Variants in C1orf116 observed in about 807,000 individuals in gnomAD.
C1orf116 encodes the protein chromosome 1 open reading frame 116.
Under a neutral mutation model 14.1 loss-of-function variants are expected in C1orf116, and 12 were observed. The ratio of observed to expected loss-of-function variants is 0.85; its 90% CI spans 0.54 to 1.38. The LOEUF (loss-of-function observed/expected upper bound fraction) is 1.38. C1orf116 is among the 40% of genes most tolerant of loss of function. The probability of loss-of-function intolerance (pLI) is 0.00; values close to 1 mark genes in which losing one functional copy is unlikely to be tolerated. For missense variants in C1orf116, 797 were observed against 747.0 expected (o/e 1.07, Z -0.78); for synonymous variants, 296 against 299.0 (o/e 0.99, Z 0.10).
In C1orf116 at chr1:207,023,024, A is replaced by G. The variant is rs758895701; in HGVS notation, c.740T>C (p.Met247Thr). Residue 247 changes from methionine (M) to threonine (T), a missense_variant, in exon 4 of 4, where the codon ATG becomes ACG. Transcript: ENST00000359470. ...QEREQTPSEAMSQKAKETVST... is the reference protein window; with the variant it reads ...QEREQTPSEATSQKAKETVST... ...GACTGTTTCCTTGGCTTTTTGGGACATGGCTTCTGAAGGAGTCTGCTCTCT... is the reference window on the plus strand; with the variant it reads ...GACTGTTTCCTTGGCTTTTTGGGACGTGGCTTCTGAAGGAGTCTGCTCTCT... 1.9e-6 allele frequency: 3 copies of G among 1,613,726 alleles called. No homozygotes were observed. The highest frequency in any genetic ancestry group is 1.7e-5 in the Admixed American group (1 of 60,030).
chr1:207,032,571 T>G lies in C1orf116; in HGVS notation c.-82+8A>C. On this transcript the variant is annotated splice_region_variant and intron_variant, in intron 1 of 3. Coordinates refer to ENST00000359470, the MANE Select transcript of C1orf116 (RefSeq NM_023938.6). The stretch of plus-strand genomic sequence containing the variant: ...GGATAAGCAATAGTTGGTTAGTGAT[T>G]AACTCACCTCCACTGGGTTGGGGGC... 10 of 985,380 alleles carry G rather than the reference T, an allele frequency of 1.0e-5. No homozygotes were observed. The highest frequency in any genetic ancestry group is 1.2e-5 in the Non-Finnish European group (10 of 829,926). 61.0% of individuals were successfully genotyped at this position (985,380 alleles called of 1,614,324 possible).
At position 207,032,745 on chromosome 1, in the gene C1orf116, C is replaced by G. The variant is rs1454650926; in HGVS notation, c.-248G>C. The G allele has an allele frequency of 1.9e-5, 19 of 985,308 alleles. No homozygotes were observed. Among genetic ancestry groups the G allele is most frequent in the Non-Finnish European group, 2.3e-5 (19 of 830,014 alleles). 61.0% of individuals were successfully genotyped at this position (985,308 alleles called of 1,614,324 possible). On this transcript the variant is annotated 5_prime_UTR_variant, in exon 1 of 4. Transcript: ENST00000359470. ...TGCTTCATCTGTGCTGCCTGGCCCC[C>G]ACCCTGCCACTGACTCAGCCAATCC...
At position 207,023,209 on chromosome 1, in the gene C1orf116, G is replaced by A; in HGVS notation, c.555C>T (p.Ser185=). The A allele has an allele frequency of 6.2e-7, 1 of 1,609,468 alleles. No individual in the cohort carries two copies. Among genetic ancestry groups the A allele is most frequent in the East Asian group, 2.2e-5 (1 of 44,860 alleles). The change falls in exon 4 of 4, where the codon AGC becomes AGT. Residue 185 remains serine (S), a synonymous_variant. Coordinates refer to ENST00000359470, the MANE Select transcript of C1orf116 (RefSeq NM_023938.6). ...QSSQPRQAPA[S]PQEAALDLDV... ...CCAAGTCAAGGGCAGCCTCCTGGGG[G>A]CTGGCAGGTGCCTGCCTGGGTTGGC...
Position 207,021,735 on chromosome 1 carries a change from A to G in C1orf116, c.*223T>C. 1 of 424,736 alleles carries G rather than the reference A, an allele frequency of 2.4e-6. No homozygotes were observed. The highest frequency in any genetic ancestry group is 2.0e-5 in the African/African-American group (1 of 49,678). The allele number at this position is 424,736 out of a possible 1,614,324, so 26.3% of individuals were successfully genotyped here. ...ATGTATCCAGCGGCCCCCCCTCCAC[A>G]CACACACCAAACACACACACACACA... On this transcript the variant is annotated 3_prime_UTR_variant, in exon 4 of 4. Transcript: ENST00000359470.
intron 3 of C1orf116, among the ~76,000 whole-genome samples, chr1:207,024,129 T>C (rs1681980720): frequency 6.6e-6 from 1 of 152,238 alleles, no homozygotes; most frequent in African/African-American, 2.4e-5. Flanking sequence ...AAGTGACTCC[T>C]TTCCTTCCAG....
chr1:207,023,210 CTGGCAGGTGCCTGCCTGGGT>C lies in C1orf116; in HGVS notation c.534_553del (p.Arg180ProfsTer6). On this transcript the variant is annotated frameshift_variant, in exon 4 of 4. Transcript: ENST00000359470. LOFTEE classifies it low-confidence loss of function (END_TRUNC). ...CAAGTCAAGGGCAGCCTCCTGGGGG[CTGGCAGGTGCCTGCCTGGGT>C]TGGCTGCTCTGGCTGACCTGTTCTT... 6.2e-7 allele frequency: 1 copy of C among 1,609,252 alleles called. No homozygotes were observed. Among genetic ancestry groups the C allele is most frequent in the Non-Finnish European group, 8.5e-7 (1 of 1,177,530 alleles).
At chr1:207,029,585 C>T (rs1456706817) in intron 1 of C1orf116, among the ~76,000 whole-genome samples, 1 of 152,202 alleles carries the variant, frequency 6.6e-6, no homozygotes, top group East Asian at 1.9e-4. Context: ...AATGAATGAA[C>T]TTGCCATCTG....
intron 1 of C1orf116, among the ~76,000 whole-genome samples, chr1:207,028,969 C>G (rs1015018106): frequency 2.0e-5 from 3 of 152,192 alleles, no homozygotes; most frequent in African/African-American, 7.2e-5. Flanking sequence ...GGTAAAATGT[C>G]CTAGAAGAAA....
At chr1:207,028,062 T>A (rs1164324274) in intron 1 of C1orf116, among the ~76,000 whole-genome samples, 2 of 152,240 alleles carry the variant, frequency 1.3e-5, no homozygotes, top group Non-Finnish European at 1.5e-5. Context: ...TACAGTTATG[T>A]GACTTGGGGC....
At chr1:207,030,082 T>C (rs972527355) in intron 1 of C1orf116, among the ~76,000 whole-genome samples, 2 of 152,168 alleles carry the variant, frequency 1.3e-5, no homozygotes, top group African/African-American at 2.4e-5. Flanking sequence ...CTGGAAGAGA[T>C]AAAAGTGGTA....
rs1330000399 is a variant in C1orf116 at position 207,021,330 on chromosome 1, G to C, written c.*628C>G. The stretch of plus-strand genomic sequence containing the variant: ...TCTGCTATCAATCAACCGAGAGATT[G>C]GGTTACAGGGACGTATCCTGTCTTT... On this transcript the variant is annotated 3_prime_UTR_variant, in exon 4 of 4. Transcript: ENST00000359470. 6.6e-6 allele frequency: 1 copy of C among 152,620 alleles called. No homozygotes were observed. The highest frequency in any genetic ancestry group is 1.5e-5 in the Non-Finnish European group (1 of 68,026). The allele number at this position is 152,620 out of a possible 1,614,324, so 9.5% of individuals were successfully genotyped here.
At chr1:207,027,727 G>C in intron 1 of C1orf116, 48 bp from the exon 2 acceptor site, 1 of 1,473,300 alleles carries the variant, frequency 6.8e-7, no homozygotes, top group Non-Finnish European at 9.0e-7. Flanking sequence ...GCTTCGGCAA[G>C]GCTCTGCCCA....
At position 207,023,176 on chromosome 1, in the gene C1orf116, C is replaced by T. The variant is rs1308062998; in HGVS notation, c.588G>A (p.Val196=). The T allele has an allele frequency of 3.1e-6, 5 of 1,609,322 alleles. No individual in the cohort carries two copies. Among genetic ancestry groups the T allele is most frequent in the Admixed American group, 1.7e-5 (1 of 59,644 alleles). The change falls in exon 4 of 4, where the codon GTG becomes GTA. Residue 196 remains valine (V), a synonymous_variant. Coordinates refer to ENST00000359470, the MANE Select transcript of C1orf116 (RefSeq NM_023938.6). The stretch of plus-strand genomic sequence containing the variant: ...GGAAAGCTTCTGGCGGAGGGATGAG[C>T]ACCACGTCCAAGTCAAGGGCAGCCT... ...PQEAALDLDV[V]LIPPPEAFRD... is the part of the protein sequence containing the mutation.
Position 207,022,935 on chromosome 1 carries a change from C to T in C1orf116, c.829G>A (p.Asp277Asn). ...TCCTCCCCTGATGAGAGGGGAGCAT[C>T]TTCAGCTCTTGCATTCTGAGGCAAC... ...AGLPQNARAEDAPLSSGEDPN... is the reference protein window; with the variant it reads ...AGLPQNARAENAPLSSGEDPN... The change falls in exon 4 of 4, where the codon GAT becomes AAT. Residue 277 changes from aspartate to asparagine, a missense_variant. Physicochemically the swap from Asp to Asn is conservative, Grantham distance 23. Coordinates refer to ENST00000359470, the MANE Select transcript of C1orf116 (RefSeq NM_023938.6). 2.5e-6 allele frequency: 4 copies of T among 1,614,192 alleles called. No individual in the cohort carries two copies. The highest frequency in any genetic ancestry group is 1.6e-4 in the Middle Eastern group (1 of 6,062).
chr1:207,027,658 T>C lies in C1orf116; in HGVS notation c.-60A>G. 3.8e-6 allele frequency: 6 copies of C among 1,594,754 alleles called. No individual in the cohort carries two copies. Among genetic ancestry groups the C allele is most frequent in the Non-Finnish European group, 5.1e-6 (6 of 1,174,498 alleles). Reference sequence around the variant, plus strand: ...CTTCTAGAGGGGAAGCGAGGGGAAGTGAACAATGTCCCAAGCCGGGCCTGA... The same window carrying C: ...CTTCTAGAGGGGAAGCGAGGGGAAGCGAACAATGTCCCAAGCCGGGCCTGA... On this transcript the variant is annotated 5_prime_UTR_variant, in exon 2 of 4. Coordinates refer to ENST00000359470, the MANE Select transcript of C1orf116 (RefSeq NM_023938.6).
At position 207,022,677 on chromosome 1, in the gene C1orf116, G is replaced by A; in HGVS notation, c.1087C>T (p.Pro363Ser). The change falls in exon 4 of 4, where the codon CCT becomes TCT. Residue 363 changes from proline (P) to serine (S), a missense_variant. Physicochemically the swap from Pro to Ser is moderately conservative, Grantham distance 74 (BLOSUM62 -1). Coordinates refer to ENST00000359470, the MANE Select transcript of C1orf116 (RefSeq NM_023938.6). ...KLGLPQDQDE[P>S]GLHLSKPTSS... is the part of the protein sequence containing the mutation. ...GTGGGCTTACTTAAGTGGAGTCCAGGCTCATCTTGATCCTGGGGTAGCCCC... is the reference window on the plus strand; with the variant it reads ...GTGGGCTTACTTAAGTGGAGTCCAGACTCATCTTGATCCTGGGGTAGCCCC... The A allele has an allele frequency of 6.2e-7, 1 of 1,613,984 alleles. No individual in the cohort carries two copies. Among genetic ancestry groups the A allele is most frequent in the Non-Finnish European group, 8.5e-7 (1 of 1,180,016 alleles).
intron 1 of C1orf116, among the ~76,000 whole-genome samples, chr1:207,031,782 A>G (rs1370912480): frequency 6.6e-6 from 1 of 152,188 alleles, no homozygotes; most frequent in Non-Finnish European, 1.5e-5. Flanking sequence ...CCTTGGCTTG[A>G]GCCCCACTTG....
chr1:207,022,539 C>A lies in C1orf116; in HGVS notation c.1225G>T (p.Ala409Ser), dbSNP rs368591569. ...ASAAIPAAGK[A>S]LAQAPAPAPG... ...GCTGGAGCCGGAGCTTGAGCCAGAG[C>A]CTTCCCAGCAGCAGGAATAGCTGCT... Residue 409 changes from alanine (A) to serine (S), a missense_variant, in exon 4 of 4, where the codon GCT becomes TCT. Ala to Ser is a moderately conservative substitution (Grantham distance 99). Coordinates refer to ENST00000359470, the MANE Select transcript of C1orf116 (RefSeq NM_023938.6). The A allele has an allele frequency of 3.7e-6, 6 of 1,613,932 alleles. No individual in the cohort carries two copies. The East Asian group carries it at 6.7e-5, about 18-fold the overall frequency.
At chr1:207,028,417 A>G (rs947973678) in intron 1 of C1orf116, among the ~76,000 whole-genome samples, 2 of 152,202 alleles carry the variant, frequency 1.3e-5, no homozygotes, top group South Asian at 2.1e-4. Flanking sequence ...CACAGTCAAT[A>G]TCATCAACAT....
Sources: allele counts gnomAD v4.1 joint callset (sites outside exome capture counted in the v4.1 genomes callset), GRCh38; gene constraint gnomAD v4.1.1; transcripts MANE v1.5; gene names NCBI Gene and HGNC (gene_info 2026-07-23, HGNC 2026-07-21).